Variants in DAB1 observed in about 807,000 individuals in gnomAD.
DAB1 encodes the protein DAB adaptor protein 1.
Under a neutral mutation model 64.6 loss-of-function variants are expected in DAB1, and 15 were observed. That is an observed-to-expected ratio of 0.23 (90% CI 0.16 to 0.36). The LOEUF (loss-of-function observed/expected upper bound fraction) is 0.36. Ranked by LOEUF, DAB1 falls within the 10% of genes least tolerant of loss-of-function variation. The pLI, the probability that DAB1 is intolerant of heterozygous loss-of-function variation, is 1.00. For synonymous variants in DAB1, 235 were observed against 251.9 expected (o/e 0.93, Z 0.64); for missense variants, 596 against 706.7 (o/e 0.84, Z 1.78).
intron 5 of DAB1, among the ~76,000 whole-genome samples, chr1:58,050,413 TATG>T (rs1429918116): frequency 6.6e-6 from 1 of 152,112 alleles, no homozygotes; most frequent in Non-Finnish European, 1.5e-5. Flanking sequence ...AAAGGTGAAA[TATG>T]ATGGGATTTT....
intron 4 of DAB1, among the ~76,000 whole-genome samples, chr1:57,119,788 AC>A (rs1036221329): frequency 2.6e-5 from 4 of 151,858 alleles, no homozygotes; most frequent in Non-Finnish European, 4.4e-5. Context: ...CTACAGCAAA[AC>A]CCCCTTCCAG....
chr1:58,001,358 G>C (rs1168106814), intron 5 of DAB1, among the ~76,000 whole-genome samples: 1 of 152,084 alleles, frequency 6.6e-6, no homozygotes, highest in Non-Finnish European at 1.5e-5. Flanking sequence ...CCACCTCCCG[G>C]GTTCAAGCAA....
intron 4 of DAB1, among the ~76,000 whole-genome samples, chr1:58,242,774 G>A (rs1253018866): frequency 6.6e-6 from 1 of 152,088 alleles, no homozygotes; most frequent in Admixed American, 6.6e-5. Flanking sequence ...GGATCTGGGG[G>A]ATAGTTGAAG....
chr1:58,491,361 G>A (rs1222054078), intron 3 of DAB1, among the ~76,000 whole-genome samples: 9 of 152,072 alleles, frequency 5.9e-5, no homozygotes, highest in Admixed American at 2.0e-4. Context: ...ATCAACTCAC[G>A]AGCAAAATAA....
chr1:58,482,185 C>A (rs1645498540), intron 3 of DAB1, among the ~76,000 whole-genome samples: 1 of 152,144 alleles, frequency 6.6e-6, no homozygotes. Flanking sequence ...TGTGTGTGCA[C>A]ATGCACAGGG....
At chr1:58,095,574 G>T (rs142883460) in intron 5 of DAB1, among the ~76,000 whole-genome samples, 2 of 152,042 alleles carry the variant, frequency 1.3e-5, no homozygotes, top group African/African-American at 4.8e-5. Flanking sequence ...GAGTTACATC[G>T]GTCTGTTCTT....
intron 2 of DAB1, among the ~76,000 whole-genome samples, chr1:57,240,690 G>A (rs1464043886): frequency 1.3e-5 from 2 of 152,164 alleles, no homozygotes; most frequent in African/African-American, 4.8e-5. Context: ...CAAGAATGAT[G>A]AACATGGGCT....
intron 4 of DAB1, among the ~76,000 whole-genome samples, chr1:58,296,014 AC>A (rs1398252901): frequency 1.4e-5 from 2 of 147,218 alleles, no homozygotes; most frequent in African/African-American, 5.1e-5. Context: ...AATCACTTGA[AC>A]CCCAGAGGTG....
chr1:58,000,317 G>C (rs917016348), intron 5 of DAB1, among the ~76,000 whole-genome samples: 2 of 152,200 alleles, frequency 1.3e-5, no homozygotes, highest in Non-Finnish European at 2.9e-5. Flanking sequence ...TTTGGAACCA[G>C]AAAGAAAATA....
rs77068259 is a variant in DAB1, at chr1:58,184,998, G to A, written n.310-34410C>T. ...GAGCAGACTGCACTCAAATCAACCC[G>A]TTACACTAAAGAGTGGGAAAGGTTC... On this transcript the variant is annotated intron_variant and non_coding_transcript_variant, in intron 4 of 20. Transcript: ENST00000485760. 7.0e-3 allele frequency among the ~76,000 whole-genome samples: 1,065 copies of A among 152,190 alleles called. 44 individuals are homozygous for A. In the South Asian group the frequency reaches 0.099, roughly 14 times the overall value.
At chr1:57,336,674 G>T (rs999754666) in intron 1 of DAB1, among the ~76,000 whole-genome samples, 2 of 152,170 alleles carry the variant, frequency 1.3e-5, no homozygotes, top group Admixed American at 6.5e-5. Flanking sequence ...AGGAGGTGTG[G>T]CTTTTGAGTC....
chr1:57,227,519 T>TTG (rs57671970), intron 2 of DAB1, among the ~76,000 whole-genome samples: 25,640 of 135,422 alleles, frequency 0.19, 2,333 homozygotes, highest in East Asian at 0.31. Flanking sequence ...TTTTTTTCTT[T>TTG]TGTGTGTGTG....
rs147329700 is a variant in DAB1 at position 57,958,268 on chromosome 1, G to A, written n.388-74106C>T. Among the ~76,000 whole-genome samples, 996 of 152,184 alleles carry A rather than the reference G, an allele frequency of 6.5e-3. 11 individuals are homozygous for A. The highest frequency in any genetic ancestry group is 0.023 in the African/African-American group (954 of 41,528). On this transcript the variant is annotated intron_variant and non_coding_transcript_variant, in intron 5 of 20. Transcript: ENST00000485760. Reference sequence around the variant, plus strand: ...GCTGGGATTACAGGAATGAGCCACCGTACCCAGCCTGATGTGCTTTTTAAA... The same window carrying A: ...GCTGGGATTACAGGAATGAGCCACCATACCCAGCCTGATGTGCTTTTTAAA...
intron 3 of DAB1, among the ~76,000 whole-genome samples, chr1:58,445,314 G>A (rs1002066599): frequency 1.3e-5 from 2 of 152,132 alleles, no homozygotes; most frequent in Non-Finnish European, 2.9e-5. Flanking sequence ...CCAATAATTG[G>A]ATGAAATAAA....
chr1:57,435,033 C>G (rs1402965601), intron 7 of DAB1, among the ~76,000 whole-genome samples: 1 of 137,380 alleles, frequency 7.3e-6, no homozygotes, highest in Admixed American at 7.4e-5. Context: ...CTCTCTTTTT[C>G]TTTTCTTTTT....
chr1:57,038,764 T>A (rs1323374767), intron 9 of DAB1, among the ~76,000 whole-genome samples: 2 of 152,180 alleles, frequency 1.3e-5, no homozygotes, highest in Non-Finnish European at 2.9e-5. Flanking sequence ...AATATTTACA[T>A]CCAGATTCTT....
intron 6 of DAB1, among the ~76,000 whole-genome samples, chr1:57,734,601 G>C (rs542372727): frequency 1.1e-4 from 17 of 152,080 alleles, no homozygotes; most frequent in African/African-American, 4.1e-4. Flanking sequence ...TTTGAAAGTT[G>C]CACAATGTGC....
chr1:57,054,901 G>A (rs1054414466), intron 9 of DAB1, among the ~76,000 whole-genome samples: 1 of 152,196 alleles, frequency 6.6e-6, no homozygotes, highest in African/African-American at 2.4e-5. Context: ...ATGGAAATTG[G>A]TGATAAATTA....
chr1:57,540,526 C>A (rs1352500996), intron 7 of DAB1, among the ~76,000 whole-genome samples: 1 of 152,084 alleles, frequency 6.6e-6, no homozygotes, highest in Non-Finnish European at 1.5e-5. Flanking sequence ...TTTACAATAG[C>A]AAATATGTGA....
Sources: allele counts gnomAD v4.1 joint callset (sites outside exome capture counted in the v4.1 genomes callset), GRCh38; gene constraint gnomAD v4.1.1; transcripts MANE v1.5; gene names NCBI Gene and HGNC (gene_info 2026-07-23, HGNC 2026-07-21).